Variants in ELSPBP1 observed in about 807,000 individuals in gnomAD.
ELSPBP1 encodes epididymal sperm-binding protein 1.
Under a neutral mutation model 33.3 loss-of-function variants are expected in ELSPBP1, and 38 were observed. That is an observed-to-expected ratio of 1.14 (90% CI 0.88 to 1.50). The LOEUF is 1.50. ELSPBP1 is among the 40% of genes most tolerant of loss of function. The probability of loss-of-function intolerance (pLI) is 0.00; values close to 1 mark genes in which losing one functional copy is unlikely to be tolerated. For synonymous variants in ELSPBP1, 85 were observed against 94.1 expected (o/e 0.90, Z 0.56); for missense variants, 267 against 263.5 (o/e 1.01, Z -0.09).
chr19:48,015,868 C>T, intron 3 of ELSPBP1, 25 bp from the exon 4 acceptor site: 1 of 1,586,338 alleles, frequency 6.3e-7, no homozygotes, highest in Non-Finnish European at 8.6e-7. Context: ...GAAGTTAAGA[C>T]ACTCACGAAC....
At position 48,022,038 on chromosome 19, in the gene ELSPBP1, A is replaced by T. The variant is rs943545796; in HGVS notation, c.515-132A>T. The T allele has an allele frequency of 9.1e-6, 7 of 772,508 alleles. No homozygotes were observed. The African/African-American group carries it at 1.2e-4, about 14-fold the overall frequency. 47.9% of individuals were successfully genotyped at this position (772,508 alleles called of 1,614,324 possible). A position where few individuals can be genotyped will look rare whatever the true frequency, so the allele number is the denominator to read the frequency against. On this transcript the variant is annotated intron_variant, in intron 5 of 6. Coordinates refer to ENST00000339841, the MANE Select transcript of ELSPBP1 (RefSeq NM_022142.5). ...GCTGGGATTAAATGCGCGCGATTAA[A>T]TGCTGGGATTAAAGGCGCGAACCAC...
chr19:47,995,725 G>A (rs1966906180), intron 1 of ELSPBP1, among the ~76,000 whole-genome samples: 1 of 152,196 alleles, frequency 6.6e-6, no homozygotes, highest in Non-Finnish European at 1.5e-5. Flanking sequence ...ATGTGTGCCT[G>A]TAATTATTCA....
intron 1 of ELSPBP1, among the ~76,000 whole-genome samples, chr19:47,996,888 T>TATC (rs900988481): frequency 1.3e-5 from 2 of 152,178 alleles, no homozygotes; most frequent in African/African-American, 4.8e-5. Flanking sequence ...GAATGAATGT[T>TATC]ATCATCATCA....
intron 4 of ELSPBP1, 74 bp from the exon 5 acceptor site, chr19:48,019,645 A>G (rs1967177408): frequency 1.7e-5 from 25 of 1,454,044 alleles, no homozygotes; most frequent in Non-Finnish European, 2.3e-5. Flanking sequence ...AGCGTGGCAC[A>G]GTTTGTGTGT....
intron 1 of ELSPBP1, among the ~76,000 whole-genome samples, chr19:48,005,392 G>A (rs894754622): frequency 6.6e-6 from 1 of 152,038 alleles, no homozygotes; most frequent in Non-Finnish European, 1.5e-5. Context: ...AGATTCAGGA[G>A]CTCCAGAAAG....
chr19:47,998,136 G>A (rs989609156), intron 1 of ELSPBP1, among the ~76,000 whole-genome samples: 2 of 152,150 alleles, frequency 1.3e-5, no homozygotes. Flanking sequence ...AGGATGGCCT[G>A]GGCGCGGTAG....
Position 48,011,784 on chromosome 19 carries a change from G to A in ELSPBP1, c.71-2387G>A, listed in dbSNP as rs143011008. Among the ~76,000 whole-genome samples the A allele has an allele frequency of 1.1e-4, 16 of 152,214 alleles. 1 individual carries two copies. Among genetic ancestry groups the A allele is most frequent in the South Asian group, 4.2e-4 (2 of 4,818 alleles). On this transcript the variant is annotated intron_variant, in intron 2 of 6. Transcript: ENST00000339841. This position sits in a 1 kb window ranked among gnomAD's most constrained non-coding sequence, Gnocchi z 4.5. ...TGATGATGACAGTGATGGTAATGAT[G>A]ATGATGATGACAATGATAATCATAG...
In ELSPBP1 at chr19:48,011,562, G is replaced by A. The variant is rs1409867284; in HGVS notation, c.71-2609G>A. Among the ~76,000 whole-genome samples the A allele has an allele frequency of 1.3e-5, 2 of 151,630 alleles. No individual in the cohort carries two copies. Among genetic ancestry groups the A allele is most frequent in the Non-Finnish European group, 2.9e-5 (2 of 67,920 alleles). ...TGATGACAATGATGATGATGACAAT[G>A]ATGATCATCATCACATGATAATGAC... On this transcript the variant is annotated intron_variant, in intron 2 of 6. Coordinates refer to ENST00000339841, the MANE Select transcript of ELSPBP1 (RefSeq NM_022142.5). This position sits in a 1 kb window ranked among gnomAD's most constrained non-coding sequence, Gnocchi z 4.5.
intron 2 of ELSPBP1, among the ~76,000 whole-genome samples, chr19:48,010,859 A>G (rs964908152): frequency 6.6e-6 from 1 of 152,212 alleles, no homozygotes; most frequent in Non-Finnish European, 1.5e-5. Context: ...CAGATGGCTA[A>G]TAGTATTCAT....
intron 6 of ELSPBP1, among the ~76,000 whole-genome samples, chr19:48,023,151 GAGGGAGGGAAGGAAGGAGGA>G (rs1206112869): frequency 1.8e-4 from 26 of 148,484 alleles, no homozygotes; most frequent in African/African-American, 5.7e-4. Context: ...AGAAAGGAGG[GAGGGAGGGAAGGAAGGAGGA>G]AGGGAGGGAA....
At chr19:48,023,517 A>G (rs1193086366) in intron 6 of ELSPBP1, among the ~76,000 whole-genome samples, 22 of 33,670 alleles carry the variant, frequency 6.5e-4, no homozygotes, top group Admixed American at 2.2e-3. Flanking sequence ...GGAAGGAAAT[A>G]AGGAAGGAAG....
At chr19:48,006,700 C>T (rs374529054) in intron 1 of ELSPBP1, among the ~76,000 whole-genome samples, 18 of 145,402 alleles carry the variant, frequency 1.2e-4, no homozygotes, top group Admixed American at 1.0e-3. Flanking sequence ...AGCTGGTAAA[C>T]GGTGGAGCTG....
chr19:47,996,423 G>A (rs1487824038), intron 1 of ELSPBP1, among the ~76,000 whole-genome samples: 4 of 152,054 alleles, frequency 2.6e-5, no homozygotes, highest in Non-Finnish European at 5.9e-5. Flanking sequence ...ATGAATAATG[G>A]ATGAATAGAA....
At chr19:48,023,342 GAGGAAGGAAAGAAGGAAGGGAGGA>G (rs1313548236) in intron 6 of ELSPBP1, among the ~76,000 whole-genome samples, 3 of 128,828 alleles carry the variant, frequency 2.3e-5, no homozygotes, top group East Asian at 2.7e-4. Context: ...GGAAGGGAGG[GAGGAAGGAAAGAAGGAAGGGAGGA>G]AGGAAGAGAG....
chr19:48,008,421 G>T, intron 1 of ELSPBP1, among the ~76,000 whole-genome samples: 1 of 152,120 alleles, frequency 6.6e-6, no homozygotes, highest in Admixed American at 6.6e-5. Context: ...ATTTTGTAGA[G>T]GTGGGGTCTC....
intron 1 of ELSPBP1, among the ~76,000 whole-genome samples, chr19:47,997,182 T>C (rs1046567951): frequency 6.6e-6 from 1 of 152,228 alleles, no homozygotes; most frequent in South Asian, 2.1e-4. Context: ...CTTTGCTCTA[T>C]AGATGTTCAA....
chr19:48,015,721 G>T (rs529687704), intron 3 of ELSPBP1, among the ~76,000 whole-genome samples, 172 bp from the exon 4 acceptor site: 24 of 152,286 alleles, frequency 1.6e-4, no homozygotes, highest in Non-Finnish European at 2.8e-4. Flanking sequence ...AACTTGTGTT[G>T]TTCAAGAATC....
rs947926074 is a variant in ELSPBP1 at position 48,015,804 on chromosome 19, G to A, written c.209-89G>A. 5.4e-6 allele frequency: 7 copies of A among 1,291,052 alleles called. No homozygotes were observed. In the African/African-American group the frequency reaches 7.3e-5, roughly 14 times the overall value. The allele number at this position is 1,291,052 out of a possible 1,614,324, so 80.0% of individuals were successfully genotyped here. On this transcript the variant is annotated intron_variant, in intron 3 of 6. Coordinates refer to ENST00000339841, the MANE Select transcript of ELSPBP1 (RefSeq NM_022142.5). ...CTCTTCTGAACCTTATGTCTGTCCTGTCCTATGATGGTTGATTGATGATTA... is the reference window on the plus strand; with the variant it reads ...CTCTTCTGAACCTTATGTCTGTCCTATCCTATGATGGTTGATTGATGATTA...
At chr19:48,003,726 A>G (rs1464020859) in intron 1 of ELSPBP1, among the ~76,000 whole-genome samples, 4 of 123,998 alleles carry the variant, frequency 3.2e-5, no homozygotes, top group African/African-American at 1.2e-4. Flanking sequence ...TTGTATTTTT[A>G]GTAGAGATGG....
Sources: gnomAD v4.1 joint callset for allele counts (sites outside exome capture counted in the v4.1 genomes callset) on GRCh38, gnomAD v4.1.1 for gene constraint, Gnocchi (gnomAD v3.1) non-coding constraint, MANE v1.5 for transcripts, NCBI Gene and HGNC (gene_info 2026-07-23, HGNC 2026-07-21) for gene names.